The following PPP3CA variants were observed in gnomAD, a reference collection of about 807,000 sequenced individuals.
The protein encoded by PPP3CA is protein phosphatase 3 catalytic subunit alpha.
A neutral mutation model predicts 66.5 loss-of-function variants in PPP3CA; 14 were observed. The ratio of observed to expected loss-of-function variants is 0.21; its 90% CI spans 0.14 to 0.33. The LOEUF is 0.33. PPP3CA is among the 10% of genes least tolerant of loss of function. The pLI, the probability that PPP3CA is intolerant of heterozygous loss-of-function variation, is 1.00. For synonymous variants in PPP3CA, 232 were observed against 226.2 expected, an observed-to-expected ratio of 1.03 and a Z score of -0.23; for missense variants, 317 against 639.5, an observed-to-expected ratio of 0.50 and a Z score of 5.44.
intron 10 of PPP3CA, among the ~76,000 whole-genome samples, chr4:101,056,371 C>T (rs1578407979): frequency 6.6e-6 from 1 of 152,140 alleles, no homozygotes; most frequent in Admixed American, 6.5e-5. Flanking sequence ...GTGTTAGCTG[C>T]TGTCACTAAC....
At chr4:101,030,948 A>C (rs1312508052) in intron 12 of PPP3CA, among the ~76,000 whole-genome samples, 1 of 111,898 alleles carries the variant, frequency 8.9e-6, no homozygotes, top group Non-Finnish European at 1.8e-5. Flanking sequence ...TTGGTAGAAA[A>C]ACTTTTGTGT....
At chr4:101,335,277 G>A (rs1319483404) in intron 1 of PPP3CA, among the ~76,000 whole-genome samples, 1 of 151,728 alleles carries the variant, frequency 6.6e-6, no homozygotes, top group East Asian at 1.9e-4. Context: ...ATGGCGTTAG[G>A]AGCAGACAAT....
chr4:101,045,717 A>T (rs1374937587), intron 10 of PPP3CA, among the ~76,000 whole-genome samples: 1 of 152,228 alleles, frequency 6.6e-6, no homozygotes, highest in Non-Finnish European at 1.5e-5. Context: ...AGGCTTTAGC[A>T]TAGTAGTACA....
At chr4:101,212,363 A>G (rs1271532899) in intron 1 of PPP3CA, among the ~76,000 whole-genome samples, 1 of 152,166 alleles carries the variant, frequency 6.6e-6, no homozygotes, top group Non-Finnish European at 1.5e-5. Flanking sequence ...ACACAGGAAC[A>G]GAAAACCAAA....
At position 101,039,745 on chromosome 4, in the gene PPP3CA, A is replaced by T. The variant is rs575968603; in HGVS notation, c.1241+737T>A. ...AGAGTTGGGGCAAAAATTTGGCAAA[A>T]AATTTGATTATTAAATTATCCAATT... On this transcript the variant is annotated intron_variant, in intron 11 of 13. Coordinates refer to ENST00000394854, the MANE Select transcript of PPP3CA (RefSeq NM_000944.5). Among the ~76,000 whole-genome samples the T allele has an allele frequency of 3.5e-5, 5 of 144,424 alleles. 1 individual carries two copies. The South Asian group carries it at 1.2e-3, about 34-fold the overall frequency. 94.7% of individuals were successfully genotyped at this position (144,424 alleles called of 152,430 possible).
intron 3 of PPP3CA, among the ~76,000 whole-genome samples, chr4:101,105,592 CAAAA>C (rs903243703): frequency 6.6e-6 from 1 of 150,992 alleles, no homozygotes; most frequent in African/African-American, 2.4e-5. Context: ...AAAAAACAAA[CAAAA>C]AAAGGTAAAT....
At chr4:101,204,195 T>C (rs779420391) in intron 1 of PPP3CA, among the ~76,000 whole-genome samples, 17 of 152,148 alleles carry the variant, frequency 1.1e-4, no homozygotes, top group Non-Finnish European at 1.9e-4. Context: ...TTTGTAGAGA[T>C]AAGGTCTCAT....
chr4:101,162,551 A>ATAAG lies in PPP3CA; in HGVS notation c.259+33364_259+33365insCTTA, dbSNP rs1382702934. Among the ~76,000 whole-genome samples the ATAAG allele has an allele frequency of 4.3e-3, 602 of 141,064 alleles. 10 individuals carry two copies. The highest frequency in any genetic ancestry group is 0.016 in the African/African-American group (581 of 35,226). The allele number at this position is 141,064 out of a possible 152,430, so 92.5% of individuals were successfully genotyped here. A position where few individuals can be genotyped will look rare whatever the true frequency, so the allele number is the denominator to read the frequency against. The stretch of plus-strand genomic sequence containing the variant: ...TCAAAATAAATAAATAAATAAATAA[A>ATAAG]TAAATAAATAAATAAATAAAGGGAA... On this transcript the variant is annotated intron_variant, in intron 2 of 13. Transcript: ENST00000394854.
At chr4:101,048,346 C>G (rs1477499934) in intron 10 of PPP3CA, among the ~76,000 whole-genome samples, 11 of 151,900 alleles carry the variant, frequency 7.2e-5, no homozygotes, top group Admixed American at 4.6e-4. Flanking sequence ...ATATTCCAGC[C>G]TGAAGACTGC....
Position 101,110,291 on chromosome 4 carries a change from T to C in PPP3CA, c.260-1213A>G, listed in dbSNP as rs537036322. On this transcript the variant is annotated intron_variant, in intron 2 of 13. Transcript: ENST00000394854. ...GCAAGTTATTAAAATGTTTTAAATT[T>C]TATTTCCTTACTTGACAAAAGATCA... Among the ~76,000 whole-genome samples the C allele has an allele frequency of 4.9e-4, 75 of 152,284 alleles. 1 individual carries two copies. The South Asian group carries it at 0.015, about 31-fold the overall frequency.
intron 1 of PPP3CA, among the ~76,000 whole-genome samples, chr4:101,298,356 A>G (rs1289375878): frequency 4.0e-5 from 6 of 151,518 alleles, no homozygotes; most frequent in African/African-American, 1.5e-4. Flanking sequence ...ATATATATAT[A>G]TATATTACAG....
intron 2 of PPP3CA, among the ~76,000 whole-genome samples, chr4:101,160,353 G>A (rs1286257428): frequency 6.6e-6 from 1 of 151,944 alleles, no homozygotes; most frequent in Non-Finnish European, 1.5e-5. Flanking sequence ...TATCCTTTTT[G>A]CCCCCATTTT....
intron 1 of PPP3CA, among the ~76,000 whole-genome samples, chr4:101,276,235 A>C (rs1206073666): frequency 6.6e-6 from 1 of 152,014 alleles, no homozygotes; most frequent in African/African-American, 2.4e-5. Context: ...ACCTGCCCAT[A>C]TTAAACAATG....
intron 1 of PPP3CA, among the ~76,000 whole-genome samples, chr4:101,263,009 T>C (rs1727055648): frequency 6.6e-6 from 1 of 152,110 alleles, no homozygotes; most frequent in Non-Finnish European, 1.5e-5. Context: ...ACAGCAGCTA[T>C]AAAGAGAATG....
intron 1 of PPP3CA, among the ~76,000 whole-genome samples, chr4:101,292,699 G>C (rs528029908): frequency 6.6e-6 from 1 of 152,210 alleles, no homozygotes; most frequent in Admixed American, 6.5e-5. Context: ...CAAACTAAAT[G>C]GAAGTAAGTA....
intron 2 of PPP3CA, among the ~76,000 whole-genome samples, chr4:101,174,173 C>T (rs1430601420): frequency 6.6e-6 from 1 of 151,572 alleles, no homozygotes; most frequent in Non-Finnish European, 1.5e-5. Context: ...AATCAATCAA[C>T]TTTATATTTT....
At chr4:101,191,618 G>T (rs1471737447) in intron 2 of PPP3CA, among the ~76,000 whole-genome samples, 1 of 152,156 alleles carries the variant, frequency 6.6e-6, no homozygotes, top group East Asian at 1.9e-4. Context: ...AGGCCACATT[G>T]CTTCATAGTG....
intron 2 of PPP3CA, among the ~76,000 whole-genome samples, chr4:101,112,670 A>G (rs1019452722): frequency 3.3e-5 from 5 of 152,200 alleles, no homozygotes; most frequent in Admixed American, 6.6e-5. Context: ...CCTTTCATCC[A>G]TAAAGTCTCA....
At chr4:101,236,645 C>T (rs566445432) in intron 1 of PPP3CA, among the ~76,000 whole-genome samples, 181 of 151,982 alleles carry the variant, frequency 1.2e-3, no homozygotes, top group Non-Finnish European at 2.2e-3. Context: ...CAGGGAAGCA[C>T]TTTTTAAAGT....
Sources: allele counts gnomAD v4.1 joint callset (sites outside exome capture counted in the v4.1 genomes callset), GRCh38; gene constraint gnomAD v4.1.1; transcripts MANE v1.5; gene names NCBI Gene and HGNC (gene_info 2026-07-23, HGNC 2026-07-21).